The following HIRA variants were observed in gnomAD, a reference collection of about 807,000 sequenced individuals.
HIRA encodes protein HIRA.
In HIRA, 13 loss-of-function variants were observed where a neutral mutation model predicts 126.6. The ratio of observed to expected loss-of-function variants is 0.10; its 90% CI spans 0.07 to 0.16. HIRA has a LOEUF of 0.16. HIRA is among the 10% of genes least tolerant of loss of function. The pLI is 1.00. For synonymous variants in HIRA, 511 were observed against 520.0 expected, an observed-to-expected ratio of 0.98 and a Z score of 0.24; for missense variants, 834 against 1,314.4, an observed-to-expected ratio of 0.63 and a Z score of 5.65.
intron 19 of HIRA, among the ~76,000 whole-genome samples, chr22:19,356,570 T>C (rs561714581): frequency 6.6e-6 from 1 of 152,302 alleles, no homozygotes; most frequent in South Asian, 2.1e-4. Flanking sequence ...ATCAGGAACA[T>C]GGCCACATTC....
At chr22:19,405,535 C>T in intron 5 of HIRA, 1 of 984,640 alleles carries the variant, frequency 1.0e-6, no homozygotes, top group Non-Finnish European at 1.2e-6. Flanking sequence ...GGAAGTTCTA[C>T]ATTAAAGATA....
chr22:19,421,440 A>C (rs957645463), intron 1 of HIRA, among the ~76,000 whole-genome samples: 5 of 152,238 alleles, frequency 3.3e-5, no homozygotes, highest in African/African-American at 1.2e-4. Flanking sequence ...GTCTTAAAAA[A>C]ATTCAGACAC....
In HIRA at chr22:19,351,283, T is replaced by C. The variant is rs914933097; in HGVS notation, c.2937+75A>G. 4 of 1,556,282 alleles carry C rather than the reference T, an allele frequency of 2.6e-6. No individual in the cohort carries two copies. The highest frequency in any genetic ancestry group is 2.4e-5 in the South Asian group (2 of 82,534). On this transcript the variant is annotated intron_variant, in intron 24 of 24. Coordinates refer to ENST00000263208, the MANE Select transcript of HIRA (RefSeq NM_003325.4). This position sits in a 1 kb window ranked among gnomAD's most constrained non-coding sequence, Gnocchi z 4.8. ...TAACGGGACACAATTTCAAAGCACTTTGGCTTATTTAAAAAATCTCCACCT... is the reference window on the plus strand; with the variant it reads ...TAACGGGACACAATTTCAAAGCACTCTGGCTTATTTAAAAAATCTCCACCT...
chr22:19,375,522 T>G (rs1425673476), intron 15 of HIRA, 109 bp downstream of exon 15: 2 of 1,174,580 alleles, frequency 1.7e-6, no homozygotes. Flanking sequence ...GTGGCTAGAG[T>G]CTTTTCCCCA....
intron 1 of HIRA, among the ~76,000 whole-genome samples, chr22:19,415,755 C>T (rs1601856695): frequency 6.6e-6 from 1 of 152,068 alleles, no homozygotes; most frequent in African/African-American, 2.4e-5. Flanking sequence ...TGCCATTGCA[C>T]TCCAGCCTGG....
intron 9 of HIRA, among the ~76,000 whole-genome samples, chr22:19,390,778 ATC>A (rs1269933432): frequency 6.6e-6 from 1 of 151,958 alleles, no homozygotes; most frequent in East Asian, 1.9e-4. Flanking sequence ...ATAAGCACTT[ATC>A]TGTCTTGGTT....
chr22:19,384,932 G>A lies in HIRA; in HGVS notation c.1329+589C>T, dbSNP rs967447719. On this transcript the variant is annotated intron_variant, in intron 12 of 24. Coordinates refer to ENST00000263208, the MANE Select transcript of HIRA (RefSeq NM_003325.4). ...GCCTCCCAAAGTGCTGGGATTACAG[G>A]GGTGAGCCACTGCGCCTGGCCTGAG... 5.3e-5 allele frequency among the ~76,000 whole-genome samples: 8 copies of A among 152,170 alleles called. No individual in the cohort carries two copies. In the East Asian group the frequency reaches 1.5e-3, roughly 29 times the overall value.
rs1361102305 is a variant in HIRA, at chr22:19,392,221, C to G, written c.823-7G>C. On this transcript the variant is annotated splice_polypyrimidine_tract_variant and splice_region_variant and intron_variant, in intron 8 of 24. Transcript: ENST00000263208. ...AGATTTTTGGGTTGAATTTCTAAAG[C>G]CAAATAACAGATGTTAAAAATAATT... is the stretch of plus-strand genomic sequence containing the variant. 1 of 1,549,912 alleles carries G rather than the reference C, an allele frequency of 6.5e-7. No individual in the cohort carries two copies. The highest frequency in any genetic ancestry group is 2.3e-5 in the East Asian group (1 of 44,386).
Position 19,331,280 on chromosome 22 carries a change from C to T in HIRA, c.*160G>A. 1.3e-6 allele frequency: 2 copies of T among 1,558,750 alleles called. No homozygotes were observed. Among genetic ancestry groups the T allele is most frequent in the East Asian group, 2.3e-5 (1 of 42,646 alleles). ...AATGTCAGACCCAGGACACAGGGCA[C>T]ATCTGCCCAGGGAGCTGGGCTGGCG... On this transcript the variant is annotated 3_prime_UTR_variant, in exon 25 of 25. Transcript: ENST00000263208.
At chr22:19,363,071 T>G (rs2088879085) in intron 15 of HIRA, among the ~76,000 whole-genome samples, 1 of 150,712 alleles carries the variant, frequency 6.6e-6, no homozygotes, top group Admixed American at 6.6e-5. Context: ...CTGTCTCTAC[T>G]AAAATACAAA....
intron 17 of HIRA, 89 bp from the exon 18 acceptor site, chr22:19,359,573 C>T: frequency 7.4e-7 from 1 of 1,355,950 alleles, no homozygotes; most frequent in Non-Finnish European, 9.6e-7. Context: ...GGCCCCAAGG[C>T]AGCAGCAGGA....
chr22:19,414,723 A>G (rs2089381542), intron 1 of HIRA, among the ~76,000 whole-genome samples: 1 of 152,206 alleles, frequency 6.6e-6, no homozygotes, highest in Non-Finnish European at 1.5e-5. Context: ...ACAGAACAAT[A>G]CTAAAATATA....
intron 21 of HIRA, among the ~76,000 whole-genome samples, chr22:19,354,374 G>T (rs1377452253): frequency 6.6e-6 from 1 of 152,232 alleles, no homozygotes; most frequent in Non-Finnish European, 1.5e-5. Context: ...CCCTTGCTGG[G>T]AACACTTCAG....
chr22:19,419,372 T>C (rs889984404), intron 1 of HIRA, among the ~76,000 whole-genome samples: 5 of 152,194 alleles, frequency 3.3e-5, no homozygotes, highest in Non-Finnish European at 7.3e-5. Flanking sequence ...CTTCCTCTTT[T>C]CTTGGACTGT....
intron 15 of HIRA, among the ~76,000 whole-genome samples, chr22:19,362,545 A>G (rs1569296052): frequency 1.3e-5 from 2 of 152,004 alleles, no homozygotes; most frequent in East Asian, 1.9e-4. Flanking sequence ...AGGAGAGAAA[A>G]TTTATTTTTA....
chr22:19,394,173 T>C (rs1340100486), intron 8 of HIRA, among the ~76,000 whole-genome samples, 169 bp downstream of exon 8: 1 of 152,244 alleles, frequency 6.6e-6, no homozygotes, highest in African/African-American at 2.4e-5. Flanking sequence ...AACCCAAGAC[T>C]GATTTTGGTG....
At chr22:19,420,627 A>T (rs550211819) in intron 1 of HIRA, among the ~76,000 whole-genome samples, 79 of 152,226 alleles carry the variant, frequency 5.2e-4, no homozygotes, top group African/African-American at 1.8e-3. Context: ...GCACAGGAGG[A>T]TTGCTTGAGC....
intron 1 of HIRA, among the ~76,000 whole-genome samples, chr22:19,420,434 G>A (rs1235326786): frequency 3.2e-5 from 4 of 126,314 alleles, no homozygotes; most frequent in African/African-American, 6.6e-5. Context: ...CCACTGCACT[G>A]CAGCCTGGGC....
At chr22:19,393,994 G>T (rs2089203297) in intron 8 of HIRA, among the ~76,000 whole-genome samples, 1 of 152,162 alleles carries the variant, frequency 6.6e-6, no homozygotes, top group Non-Finnish European at 1.5e-5. Flanking sequence ...CCATGGCATG[G>T]CCTTGCACCT....
Sources: allele counts gnomAD v4.1 joint callset (sites outside exome capture counted in the v4.1 genomes callset), GRCh38; gene constraint gnomAD v4.1.1; non-coding constraint Gnocchi (gnomAD v3.1); transcripts MANE v1.5; gene names NCBI Gene and HGNC (gene_info 2026-07-23, HGNC 2026-07-21).